PRKCB: variants seen among roughly 807,000 people sequenced by gnomAD.
The protein encoded by PRKCB is protein kinase C beta.
PRKCB carries 13 observed loss-of-function variants against 81.5 expected under a neutral mutation model. That is an observed-to-expected ratio of 0.16 (90% confidence interval 0.10 to 0.25). PRKCB has a LOEUF of 0.25. Ranked by LOEUF, PRKCB falls within the 10% of genes least tolerant of loss-of-function variation. The pLI, the probability that PRKCB is intolerant of heterozygous loss-of-function variation, is 1.00. For synonymous variants in PRKCB, 335 were observed against 321.4 expected (o/e 1.04, Z -0.45); for missense variants, 509 against 875.7 (o/e 0.58, Z 5.29).
At chr16:23,990,480 CTTT>C (rs759982148) in intron 3 of PRKCB, among the ~76,000 whole-genome samples, 13 of 142,378 alleles carry the variant, frequency 9.1e-5, no homozygotes, top group African/African-American at 3.4e-4. Flanking sequence ...AAAAAAGAAG[CTTT>C]TTTTTTTTTT....
intron 16 of PRKCB, among the ~76,000 whole-genome samples, chr16:24,197,489 G>C (rs1371895122): frequency 1.3e-5 from 2 of 152,122 alleles, no homozygotes; most frequent in Non-Finnish European, 2.9e-5. Context: ...CCAAGGGGTT[G>C]AGGGAGAAAG....
At chr16:24,174,462 C>T in intron 11 of PRKCB, 56 bp from the exon 12 acceptor site, 2 of 1,493,950 alleles carry the variant, frequency 1.3e-6, no homozygotes, top group Non-Finnish European at 9.2e-7. Flanking sequence ...TGAGCATTGC[C>T]AAGCATATGG....
At chr16:24,213,059 G>A (rs1472979898) in intron 16 of PRKCB, among the ~76,000 whole-genome samples, 1 of 149,830 alleles carries the variant, frequency 6.7e-6, no homozygotes, top group Admixed American at 6.6e-5. Context: ...TTTTGAGAGA[G>A]AGTCTCGCTC....
intron 2 of PRKCB, among the ~76,000 whole-genome samples, chr16:23,933,834 G>A (rs1248555738): frequency 5.8e-5 from 6 of 102,864 alleles, no homozygotes; most frequent in African/African-American, 1.7e-4. Context: ...TCTGTTTGTC[G>A]ATTTTCTATT....
chr16:23,844,272 T>C (rs1056072398), intron 2 of PRKCB, among the ~76,000 whole-genome samples: 1 of 152,204 alleles, frequency 6.6e-6, no homozygotes, highest in Non-Finnish European at 1.5e-5. Context: ...TGAAATTCCA[T>C]AGATAGAATG....
chr16:23,896,875 TCCATCCAA>T (rs900892468), intron 2 of PRKCB, among the ~76,000 whole-genome samples: 1 of 144,846 alleles, frequency 6.9e-6, no homozygotes, highest in Non-Finnish European at 1.5e-5. Flanking sequence ...TCTTCATCCA[TCCATCCAA>T]CCATCCATCC....
At chr16:24,152,837 T>G (rs1967099542) in intron 9 of PRKCB, among the ~76,000 whole-genome samples, 1 of 144,906 alleles carries the variant, frequency 6.9e-6, no homozygotes, top group Non-Finnish European at 1.5e-5. Context: ...CCACTCAGAC[T>G]GGCAGCTTTT....
intron 9 of PRKCB, among the ~76,000 whole-genome samples, chr16:24,154,030 G>T (rs1481664013): frequency 6.6e-6 from 1 of 152,200 alleles, no homozygotes; most frequent in Non-Finnish European, 1.5e-5. Flanking sequence ...GCTATTGCAG[G>T]CTCTTGGGTT....
chr16:23,906,558 A>G (rs1335724132), intron 2 of PRKCB, among the ~76,000 whole-genome samples: 1 of 152,152 alleles, frequency 6.6e-6, no homozygotes, highest in Non-Finnish European at 1.5e-5. Context: ...CATATTCTAC[A>G]TTTTGTGTCT....
At chr16:23,910,068 CT>C (rs1409940806) in intron 2 of PRKCB, among the ~76,000 whole-genome samples, 1 of 152,166 alleles carries the variant, frequency 6.6e-6, no homozygotes, top group Non-Finnish European at 1.5e-5. Context: ...TTTTGCCCCT[CT>C]TGTTGAGTTT....
intron 2 of PRKCB, among the ~76,000 whole-genome samples, chr16:23,935,455 G>A (rs1428787978): frequency 6.6e-6 from 1 of 152,150 alleles, no homozygotes; most frequent in African/African-American, 2.4e-5. Flanking sequence ...TAATGGGCAT[G>A]CTTTGAGAAA....
chr16:24,025,520 C>T (rs902719741), intron 3 of PRKCB, among the ~76,000 whole-genome samples: 7 of 152,128 alleles, frequency 4.6e-5, no homozygotes, highest in African/African-American at 1.7e-4. Context: ...AGTTTATGCC[C>T]TGAGAGTATA....
At chr16:24,137,053 T>A (rs2141940335) in intron 9 of PRKCB, among the ~76,000 whole-genome samples, 1 of 151,348 alleles carries the variant, frequency 6.6e-6, no homozygotes, top group Middle Eastern at 3.4e-3. Context: ...AATTTTTTTT[T>A]TTTTTTTGTA....
At chr16:24,166,351 T>C (rs1967347736) in intron 10 of PRKCB, among the ~76,000 whole-genome samples, 1 of 152,214 alleles carries the variant, frequency 6.6e-6, no homozygotes, top group Non-Finnish European at 1.5e-5. Flanking sequence ...TTGGTAAAGA[T>C]CTTAAAGCTG....
chr16:24,038,447 C>T (rs921094570), intron 5 of PRKCB, among the ~76,000 whole-genome samples: 1 of 152,248 alleles, frequency 6.6e-6, no homozygotes, highest in Non-Finnish European at 1.5e-5. Context: ...GGAAAGGGCA[C>T]GTTGTTGCCA....
chr16:23,913,351 A>G (rs1963690757), intron 2 of PRKCB, among the ~76,000 whole-genome samples: 7 of 151,988 alleles, frequency 4.6e-5, no homozygotes, highest in South Asian at 2.1e-4. Flanking sequence ...AAAAAAAAAA[A>G]TCTGACTGGC....
In PRKCB at chr16:24,218,481, C is replaced by T. The variant is rs568040108; in HGVS notation, c.*3665C>T. ...CTGCCCCACTCTAGCCACACATACC[C>T]ACGTGTGCTCCTGAGTTCAGTGTGC... On this transcript the variant is annotated 3_prime_UTR_variant, in exon 17 of 17. Coordinates refer to ENST00000643927, the MANE Select transcript of PRKCB (RefSeq NM_002738.7). The T allele has an allele frequency of 1.7e-5, 17 of 985,486 alleles. No homozygotes were observed. The South Asian group carries it at 5.2e-4, about 30-fold the overall frequency. The allele number at this position is 985,486 out of a possible 1,614,324, so 61.0% of individuals were successfully genotyped here.
At chr16:24,038,640 C>A (rs1174846385) in intron 5 of PRKCB, among the ~76,000 whole-genome samples, 2 of 152,200 alleles carry the variant, frequency 1.3e-5, no homozygotes, top group Non-Finnish European at 2.9e-5. Context: ...TAGAAGAGAG[C>A]CCTGATGCTG....
chr16:23,856,317 A>T (rs887171378), intron 2 of PRKCB, among the ~76,000 whole-genome samples: 11 of 152,154 alleles, frequency 7.2e-5, no homozygotes, highest in Non-Finnish European at 1.6e-4. Flanking sequence ...CATGACTTCA[A>T]TGTCCTGTTG....
Sources: gnomAD v4.1 joint callset for allele counts (sites outside exome capture counted in the v4.1 genomes callset) on GRCh38, gnomAD v4.1.1 for gene constraint, MANE v1.5 for transcripts, NCBI Gene and HGNC (gene_info 2026-07-23, HGNC 2026-07-21) for gene names.